Variants in SIPA1L1 observed in about 807,000 individuals in gnomAD.
SIPA1L1 encodes signal-induced proliferation-associated 1-like protein 1.
A neutral mutation model predicts 162.7 loss-of-function variants in SIPA1L1; 26 were observed. The observed-to-expected ratio is 0.16, with a 90% CI of 0.12 to 0.22. The LOEUF (loss-of-function observed/expected upper bound fraction) is 0.22. Among genes scored for constraint, SIPA1L1 ranks in the 10% least tolerant of loss-of-function variants. The pLI is 1.00. For synonymous variants in SIPA1L1, 829 were observed against 837.4 expected (o/e 0.99, Z 0.17); for missense variants, 1,874 against 2,241.0 (o/e 0.84, Z 3.31).
chr14:71,387,495 T>C lies in SIPA1L1; in HGVS notation c.-465+66314T>C, dbSNP rs538170454. On this transcript the variant is annotated intron_variant, in intron 2 of 23. Coordinates refer to ENST00000381232, the MANE Select transcript of SIPA1L1 (RefSeq NM_001386936.1). ...GCTAAAGGTCACATCTTAAAGTTTG[T>C]CTTTAATTCAGTAATCAAAGACATC... Among the ~76,000 whole-genome samples the C allele has an allele frequency of 3.3e-5, 5 of 152,288 alleles. No homozygotes were observed. In the Middle Eastern group the frequency reaches 0.01, roughly 311 times the overall value.
At chr14:71,405,313 G>A (rs988053233) in intron 2 of SIPA1L1, among the ~76,000 whole-genome samples, 15 of 152,234 alleles carry the variant, frequency 9.9e-5, no homozygotes, top group African/African-American at 3.4e-4. Flanking sequence ...TCATTGGAAG[G>A]CATCAAAGAT....
At chr14:71,656,641 G>T (rs768621084) in intron 8 of SIPA1L1, among the ~76,000 whole-genome samples, 2 of 152,164 alleles carry the variant, frequency 1.3e-5, no homozygotes, top group Non-Finnish European at 2.9e-5. Context: ...TTGAAAAGTA[G>T]TCTTTGCTTT....
intron 2 of SIPA1L1, among the ~76,000 whole-genome samples, chr14:71,449,313 C>A (rs1304030811): frequency 2.0e-5 from 3 of 152,182 alleles, no homozygotes; most frequent in African/African-American, 7.2e-5. Flanking sequence ...GTGTGGATGG[C>A]TTGATTAGCT....
chr14:71,564,082 G>T (rs1027317404), intron 4 of SIPA1L1, among the ~76,000 whole-genome samples: 3 of 152,028 alleles, frequency 2.0e-5, no homozygotes, highest in Non-Finnish European at 4.4e-5. Flanking sequence ...AAGTAGTAGG[G>T]ACTACAGGCG....
At chr14:71,504,719 G>T (rs1247101366) in intron 2 of SIPA1L1, among the ~76,000 whole-genome samples, 2 of 152,194 alleles carry the variant, frequency 1.3e-5, no homozygotes, top group Non-Finnish European at 2.9e-5. Flanking sequence ...TTTCAGTGAT[G>T]TTGAAGTGAA....
At chr14:71,429,692 T>C (rs1242125684) in intron 2 of SIPA1L1, among the ~76,000 whole-genome samples, 3 of 152,188 alleles carry the variant, frequency 2.0e-5, no homozygotes. Flanking sequence ...CTAAGTGGCT[T>C]CCATCAGCAG....
chr14:71,503,319 A>G (rs2143781257), intron 2 of SIPA1L1, among the ~76,000 whole-genome samples: 1 of 152,334 alleles, frequency 6.6e-6, no homozygotes, highest in East Asian at 1.9e-4. Context: ...CCATGTGTAT[A>G]TTCAGTCACT....
At chr14:71,537,240 C>G (rs1184272127) in intron 4 of SIPA1L1, among the ~76,000 whole-genome samples, 1 of 152,148 alleles carries the variant, frequency 6.6e-6, no homozygotes, top group African/African-American at 2.4e-5. Flanking sequence ...GAGTCTAGCT[C>G]TGTTGCCCGG....
intron 2 of SIPA1L1, among the ~76,000 whole-genome samples, chr14:71,348,368 T>A (rs2036376014): frequency 6.6e-6 from 1 of 152,254 alleles, no homozygotes; most frequent in Admixed American, 6.5e-5. Context: ...TTTTACAGCA[T>A]GTTTTCTTTT....
At chr14:71,727,692 T>C (rs987853975) in intron 19 of SIPA1L1, among the ~76,000 whole-genome samples, 1 of 152,190 alleles carries the variant, frequency 6.6e-6, no homozygotes, top group African/African-American at 2.4e-5. Context: ...TGCGATTCTT[T>C]CCCAAGGGCT....
chr14:71,689,391 A>G (rs894196339), intron 13 of SIPA1L1, among the ~76,000 whole-genome samples: 37 of 152,224 alleles, frequency 2.4e-4, no homozygotes, highest in Admixed American at 2.0e-3. Context: ...GTTATTAACA[A>G]TTAACATTCG....
intron 22 of SIPA1L1, chr14:71,735,652 C>T (rs940143395): frequency 5.7e-6 from 2 of 353,252 alleles, no homozygotes; most frequent in East Asian, 1.1e-4. Flanking sequence ...CCCTCAGGGC[C>T]AGTTGGGGCA....
At chr14:71,711,337 C>T (rs772175753) in intron 17 of SIPA1L1, among the ~76,000 whole-genome samples, 1 of 152,230 alleles carries the variant, frequency 6.6e-6, no homozygotes, top group Non-Finnish European at 1.5e-5. Flanking sequence ...AGAATGATGA[C>T]ACTCGCTGGC....
intron 2 of SIPA1L1, among the ~76,000 whole-genome samples, chr14:71,466,854 G>A (rs1339529249): frequency 6.6e-6 from 1 of 151,996 alleles, no homozygotes; most frequent in South Asian, 2.1e-4. Context: ...TTAGTTACTT[G>A]TTCTTTCAGT....
intron 2 of SIPA1L1, among the ~76,000 whole-genome samples, chr14:71,379,120 CA>C (rs2039664890): frequency 6.6e-6 from 1 of 152,064 alleles, no homozygotes; most frequent in African/African-American, 2.4e-5. Flanking sequence ...CAGCTTTCTC[CA>C]GTTTGCTAAA....
intron 4 of SIPA1L1, among the ~76,000 whole-genome samples, chr14:71,535,856 C>T (rs2053849817): frequency 6.6e-6 from 1 of 152,098 alleles, no homozygotes; most frequent in East Asian, 1.9e-4. Flanking sequence ...GTGACCTGCC[C>T]ATCTGGGCCT....
intron 17 of SIPA1L1, among the ~76,000 whole-genome samples, chr14:71,715,430 A>G (rs1220978123): frequency 6.6e-6 from 1 of 152,250 alleles, no homozygotes; most frequent in Non-Finnish European, 1.5e-5. Flanking sequence ...CTGGCCAGCA[A>G]ACTGCATTTC....
chr14:71,544,294 T>G (rs1277065215), intron 4 of SIPA1L1, among the ~76,000 whole-genome samples: 1 of 107,566 alleles, frequency 9.3e-6, no homozygotes, highest in Non-Finnish European at 2.5e-5. Flanking sequence ...TATATACATA[T>G]ATATCATGTG....
intron 4 of SIPA1L1, among the ~76,000 whole-genome samples, chr14:71,539,510 G>T (rs2054194558): frequency 2.0e-5 from 3 of 152,178 alleles, no homozygotes; most frequent in African/African-American, 7.2e-5. Flanking sequence ...AGAAGTTGAA[G>T]AATCACTGCC....
Sources: gnomAD v4.1 joint callset for allele counts (sites outside exome capture counted in the v4.1 genomes callset) on GRCh38, gnomAD v4.1.1 for gene constraint, MANE v1.5 for transcripts, NCBI Gene and HGNC (gene_info 2026-07-23, HGNC 2026-07-21) for gene names.